BNC2: variants seen among roughly 807,000 people sequenced by gnomAD.
The protein encoded by BNC2 is zinc finger protein basonuclin-2.
BNC2 carries 20 observed loss-of-function variants against 76.3 expected under a neutral mutation model. The observed-to-expected ratio is 0.26, with a 90% CI of 0.18 to 0.38. The LOEUF is 0.38. Among genes scored for constraint, BNC2 ranks in the 10% least tolerant of loss-of-function variants. BNC2 has a pLI of 1.00. For missense variants in BNC2, 1,382 were observed against 1,399.8 expected, an observed-to-expected ratio of 0.99 and a Z score of 0.20; for synonymous variants, 582 against 514.8, an observed-to-expected ratio of 1.13 and a Z score of -1.77.
chr9:16,473,974 G>C (rs894956506), intron 5 of BNC2, among the ~76,000 whole-genome samples: 31 of 152,244 alleles, frequency 2.0e-4, no homozygotes, highest in African/African-American at 7.2e-4. Context: ...TACCACTCAG[G>C]GGGCAGTCAT....
chr9:16,843,969 G>T (rs983643411), intron 1 of BNC2, among the ~76,000 whole-genome samples: 12 of 152,118 alleles, frequency 7.9e-5, no homozygotes, highest in African/African-American at 1.2e-4. Flanking sequence ...TAGGTTTTTT[G>T]TTGTTGTTGT....
At chr9:16,841,779 G>C (rs10733322) in intron 1 of BNC2, among the ~76,000 whole-genome samples, 149,784 of 152,148 alleles carry the variant, frequency 0.98, 73,770 homozygotes, top group Middle Eastern at 1. Flanking sequence ...ATGTATTTCC[G>C]AAGCCTATGT....
intron 3 of BNC2, among the ~76,000 whole-genome samples, chr9:16,597,309 T>C (rs1226603765): frequency 1.3e-5 from 2 of 152,154 alleles, no homozygotes; most frequent in Non-Finnish European, 2.9e-5. Context: ...TTTGTCCCTG[T>C]TGGGCACGCT....
At chr9:16,598,875 A>C (rs1300740761) in intron 3 of BNC2, among the ~76,000 whole-genome samples, 1 of 152,208 alleles carries the variant, frequency 6.6e-6, no homozygotes, top group African/African-American at 2.4e-5. Context: ...TGCATTTTTG[A>C]AAAAGCCAAA....
rs1027062947 is a variant in BNC2, at chr9:16,744,193, T to A, written c.4-5708A>T. 1.1e-4 allele frequency among the ~76,000 whole-genome samples: 17 copies of A among 152,108 alleles called. No individual in the cohort carries two copies. In the East Asian group the frequency reaches 3.3e-3, roughly 29 times the overall value. On this transcript the variant is annotated intron_variant, in intron 1 of 6. Transcript: ENST00000380672. ...ACCATGTTAGCCAGGATGGTCTCAA[T>A]CTCCTGACCTTGTGATCCACCTGCC...
At chr9:16,802,548 C>CA (rs1268819576) in intron 1 of BNC2, among the ~76,000 whole-genome samples, 2 of 152,196 alleles carry the variant, frequency 1.3e-5, no homozygotes, top group African/African-American at 4.8e-5. Flanking sequence ...CTTGCTTCAG[C>CA]AACAGAAGCT....
intron 6 of BNC2, among the ~76,000 whole-genome samples, chr9:16,433,622 G>T (rs1490249157): frequency 1.3e-5 from 2 of 152,140 alleles, no homozygotes; most frequent in Admixed American, 6.5e-5. Flanking sequence ...TACCTCAACA[G>T]TGCCTCCCTA....
chr9:16,685,510 C>G, intron 3 of BNC2: 1 of 1,257,510 alleles, frequency 8.0e-7, no homozygotes, highest in Non-Finnish European at 1.1e-6. Flanking sequence ...TTCTGTCACA[C>G]CACCCCTAGC....
In BNC2 at chr9:16,507,854, T is replaced by C. The variant is rs542157948; in HGVS notation, c.669+44676A>G. 4.6e-5 allele frequency among the ~76,000 whole-genome samples: 7 copies of C among 152,344 alleles called. No individual in the cohort carries two copies. The South Asian group carries it at 1.5e-3, about 32-fold the overall frequency. On this transcript the variant is annotated intron_variant, in intron 5 of 6. Coordinates refer to ENST00000380672, the MANE Select transcript of BNC2 (RefSeq NM_017637.6). ...GTACAAACCCAAATATAATTGAGAA[T>C]ATTCTCCCACTTGCTTAAAGCGGCC...
At chr9:16,510,447 C>G (rs572513331) in intron 5 of BNC2, among the ~76,000 whole-genome samples, 1 of 152,226 alleles carries the variant, frequency 6.6e-6, no homozygotes, top group East Asian at 1.9e-4. Flanking sequence ...ACAGAGGTAT[C>G]TGACCTCCTT....
At chr9:16,863,302 C>T (rs370099156) in intron 1 of BNC2, among the ~76,000 whole-genome samples, 8 of 152,186 alleles carry the variant, frequency 5.3e-5, no homozygotes, top group South Asian at 2.1e-4. Context: ...CATTTAGCAT[C>T]CCACCTGGGG....
In BNC2 at chr9:16,415,058, C is replaced by A. The variant is rs186048825; in HGVS notation, c.*3931G>T. The stretch of plus-strand genomic sequence containing the variant: ...CTATGAGGACAGTGGCACCATTGTG[C>A]CAAAAAGGTTTTAAAAAATGTTTGC... On this transcript the variant is annotated 3_prime_UTR_variant, in exon 7 of 7. Coordinates refer to ENST00000380672, the MANE Select transcript of BNC2 (RefSeq NM_017637.6). The A allele has an allele frequency of 3.3e-5, 5 of 151,718 alleles. No homozygotes were observed. The East Asian group carries it at 9.7e-4, about 29-fold the overall frequency. The allele number at this position is 151,718 out of a possible 1,614,324, so 9.4% of individuals were successfully genotyped here.
chr9:16,733,959 A>G (rs2840290), intron 2 of BNC2, among the ~76,000 whole-genome samples: 70,826 of 151,920 alleles, frequency 0.47, 20,076 homozygotes, highest in East Asian at 0.89. Flanking sequence ...ATTTCCTTTC[A>G]TTACATCCTT....
chr9:16,682,168 A>T (rs1190608082), intron 3 of BNC2, among the ~76,000 whole-genome samples: 1 of 151,660 alleles, frequency 6.6e-6, no homozygotes, highest in Non-Finnish European at 1.5e-5. Context: ...TTTAGTTCAT[A>T]CTGTTGTTAA....
intron 1 of BNC2, among the ~76,000 whole-genome samples, chr9:16,870,154 G>A (rs1461264755): frequency 6.6e-6 from 1 of 151,600 alleles, no homozygotes; most frequent in African/African-American, 2.4e-5. Flanking sequence ...CTGCGCCCCA[G>A]CGCACCCGGC....
intron 1 of BNC2, among the ~76,000 whole-genome samples, chr9:16,751,173 A>T (rs1563926664): frequency 1.4e-5 from 2 of 138,288 alleles, no homozygotes; most frequent in Non-Finnish European, 3.0e-5. Flanking sequence ...ACTGAAGTCT[A>T]AAAAAAAACT....
rs202168977 is a variant in BNC2 at position 16,870,639 on chromosome 9, T to G, written c.3+7A>C. The stretch of plus-strand genomic sequence containing the variant: ...ATAAAAGAGGAAGGAGGGTGGAAAC[T>G]TCTTACCATCTCGGCATGCTGGTTG... On this transcript the variant is annotated splice_region_variant and intron_variant, in intron 1 of 6. Transcript: ENST00000380672. 122 of 1,610,988 alleles carry G rather than the reference T, an allele frequency of 7.6e-5. 1 individual carries two copies. Among genetic ancestry groups the G allele is most frequent in the Non-Finnish European group, 1.0e-4 (118 of 1,178,576 alleles).
intron 1 of BNC2, among the ~76,000 whole-genome samples, chr9:16,838,844 G>A (rs1197863057): frequency 1.3e-5 from 2 of 152,154 alleles, no homozygotes; most frequent in Non-Finnish European, 2.9e-5. Context: ...ATTCCAACAT[G>A]AGTAAAACAT....
intron 1 of BNC2, among the ~76,000 whole-genome samples, chr9:16,828,806 A>G (rs998078371): frequency 1.3e-5 from 2 of 152,226 alleles, no homozygotes; most frequent in Admixed American, 6.5e-5. Flanking sequence ...GAAGATCGCC[A>G]TAACAACCGC....
Sources: allele counts gnomAD v4.1 joint callset (sites outside exome capture counted in the v4.1 genomes callset), GRCh38; gene constraint gnomAD v4.1.1; transcripts MANE v1.5; gene names NCBI Gene and HGNC (gene_info 2026-07-23, HGNC 2026-07-21).